KHDRBS2: variants seen among roughly 807,000 people sequenced by gnomAD.
The protein encoded by KHDRBS2 is KH RNA binding domain containing, signal transduction associated 2.
Under a neutral mutation model 44.3 loss-of-function variants are expected in KHDRBS2, and 26 were observed. The observed-to-expected ratio is 0.59, with a 90% CI of 0.43 to 0.81. The LOEUF (loss-of-function observed/expected upper bound fraction) is 0.81, where lower values mean the gene tolerates loss of function less well. Ranked by LOEUF, KHDRBS2 falls within the 40% of genes least tolerant of loss-of-function variation. The pLI is 0.00. For missense variants in KHDRBS2, 476 were observed against 433.1 expected (o/e 1.10, Z -0.88); for synonymous variants, 194 against 151.1 (o/e 1.28, Z -2.08).
chr6:61,902,687 A>AAC (rs1804275995), intron 4 of KHDRBS2, among the ~76,000 whole-genome samples: 3 of 152,138 alleles, frequency 2.0e-5, no homozygotes, highest in Admixed American at 2.0e-4. Context: ...TTAACACTAT[A>AAC]TTTGTAGAGG....
chr6:61,848,469 TTA>T lies in KHDRBS2; in HGVS notation c.810+46164_810+46165del, dbSNP rs796641130. ...GGTTATATTGAGAGAAATGGAGGTT[TTA>T]TATATATATATATATATATGTATAT... On this transcript the variant is annotated intron_variant, in intron 6 of 8. Coordinates refer to ENST00000281156, the MANE Select transcript of KHDRBS2 (RefSeq NM_152688.4). Among the ~76,000 whole-genome samples, 728 of 73,618 alleles carry T rather than the reference TTA, an allele frequency of 9.9e-3. 36 individuals are homozygous for T. The highest frequency in any genetic ancestry group is 0.033 in the East Asian group (113 of 3,418). 48.3% of individuals were successfully genotyped at this position (73,618 alleles called of 152,430 possible). A position where few individuals can be genotyped will look rare whatever the true frequency, so the allele number is the denominator to read the frequency against.
At chr6:61,896,350 G>A (rs2127336329) in intron 5 of KHDRBS2, among the ~76,000 whole-genome samples, 2 of 152,194 alleles carry the variant, frequency 1.3e-5, no homozygotes, top group Middle Eastern at 6.8e-3. Context: ...GAATAGTCAT[G>A]GGTAAGTATT....
At chr6:61,901,123 G>T in intron 5 of KHDRBS2, 121 bp downstream of exon 5, 2 of 873,812 alleles carry the variant, frequency 2.3e-6, no homozygotes, top group Non-Finnish European at 3.5e-6. Context: ...TATTGTTTTT[G>T]CTGTGGTGGT....
rs1432877779 is a variant in KHDRBS2, at chr6:62,107,583, GA to G, written c.220-59590del. Among the ~76,000 whole-genome samples the G allele has an allele frequency of 3.3e-5, 5 of 152,048 alleles. No individual in the cohort carries two copies. In the South Asian group the frequency reaches 8.3e-4, roughly 25 times the overall value. On this transcript the variant is annotated intron_variant, in intron 2 of 8. Coordinates refer to ENST00000281156, the MANE Select transcript of KHDRBS2 (RefSeq NM_152688.4). ...ACCAATGACTTTCTTCACAGAATTGGAAAAAAATACTTTAAACTTCATATGG... is the reference window on the plus strand; with the variant it reads ...ACCAATGACTTTCTTCACAGAATTGGAAAAAATACTTTAAACTTCATATGG...
chr6:61,631,766 A>G, the KHDRBS2 span, among the ~76,000 whole-genome samples: 1 of 152,044 alleles, frequency 6.6e-6, no homozygotes, highest in Non-Finnish European at 1.5e-5. Flanking sequence ...GGCAATGGAA[A>G]CCTGAATCTA....
intron 6 of KHDRBS2, among the ~76,000 whole-genome samples, chr6:61,814,331 GC>G (rs1788567138): frequency 6.6e-6 from 1 of 152,310 alleles, no homozygotes; most frequent in South Asian, 2.1e-4. Flanking sequence ...ACTATATGTG[GC>G]CGGGAGCGGT....
At chr6:61,639,742 A>G in the KHDRBS2 span, among the ~76,000 whole-genome samples, 3 of 152,222 alleles carry the variant, frequency 2.0e-5, no homozygotes, top group African/African-American at 4.8e-5. Flanking sequence ...TGTCCTGTAC[A>G]TAGTAATTGT....
In KHDRBS2 at chr6:62,009,540, T is replaced by C. The variant is rs180776452; in HGVS notation, c.337-31328A>G. ...AATCACCAAGACAATGAGGAAAATG[T>C]CTCCAGGGCATGTCTGAGATCTTCA... On this transcript the variant is annotated intron_variant, in intron 3 of 8. Coordinates refer to ENST00000281156, the MANE Select transcript of KHDRBS2 (RefSeq NM_152688.4). 5.9e-5 allele frequency among the ~76,000 whole-genome samples: 9 copies of C among 152,226 alleles called. No individual in the cohort carries two copies. The East Asian group carries it at 1.7e-3, about 29-fold the overall frequency.
intron 2 of KHDRBS2, among the ~76,000 whole-genome samples, chr6:62,146,548 T>G (rs1813982867): frequency 6.6e-6 from 1 of 151,888 alleles, no homozygotes; most frequent in Admixed American, 6.6e-5. Context: ...TTCTACAGAT[T>G]TGATTTCTGT....
Position 62,177,271 on chromosome 6 carries a change from C to G in KHDRBS2, c.133G>C (p.Glu45Gln). The change falls in exon 2 of 9, where the codon GAA becomes CAA. Residue 45 changes from glutamate to glutamine, a missense_variant. Transcript: ENST00000281156. ...ATGACATCAAGATACTTCTTTTCTT[C>G]GTCTTCCTTTTTTCCATCAGAACCT... ...FQGSDGKKED[E>Q]EKKYLDVISN... 6.2e-7 allele frequency: 1 copy of G among 1,600,714 alleles called. No individual in the cohort carries two copies. The highest frequency in any genetic ancestry group is 2.2e-5 in the East Asian group (1 of 44,490).
chr6:62,034,687 T>A (rs1784945026), intron 3 of KHDRBS2, among the ~76,000 whole-genome samples: 1 of 105,750 alleles, frequency 9.5e-6, no homozygotes, highest in Non-Finnish European at 2.0e-5. Flanking sequence ...AGTATCATTC[T>A]GAACAGAAAA....
chr6:62,243,113 CTAG>C (rs1834960997), intron 1 of KHDRBS2, among the ~76,000 whole-genome samples: 2 of 151,990 alleles, frequency 1.3e-5, no homozygotes. Flanking sequence ...GCAAGTTGTT[CTAG>C]AAATACAATA....
chr6:61,972,194 G>A (rs1189783215), intron 4 of KHDRBS2, among the ~76,000 whole-genome samples: 1 of 152,074 alleles, frequency 6.6e-6, no homozygotes, highest in Non-Finnish European at 1.5e-5. Context: ...TCTTTTATCT[G>A]TCTTCCAAGT....
intron 6 of KHDRBS2, among the ~76,000 whole-genome samples, chr6:61,820,314 C>T (rs962056073): frequency 1.3e-5 from 2 of 151,834 alleles, no homozygotes; most frequent in Non-Finnish European, 2.9e-5. Context: ...ATTCAGGATG[C>T]GTTTTGTAAG....
the KHDRBS2 span, among the ~76,000 whole-genome samples, chr6:61,603,901 C>T: frequency 1.3e-5 from 2 of 152,116 alleles, no homozygotes; most frequent in Admixed American, 1.3e-4. Flanking sequence ...TCCTTCTTTC[C>T]TGTTTCTCAC....
At chr6:62,015,028 G>A (rs1780958374) in intron 3 of KHDRBS2, among the ~76,000 whole-genome samples, 1 of 152,128 alleles carries the variant, frequency 6.6e-6, no homozygotes, top group Non-Finnish European at 1.5e-5. Context: ...AAACATTTAT[G>A]AGGACAAATC....
intron 3 of KHDRBS2, among the ~76,000 whole-genome samples, chr6:62,043,533 G>A (rs1787007421): frequency 1.3e-5 from 2 of 152,056 alleles, no homozygotes; most frequent in Admixed American, 1.3e-4. Context: ...TAAGTAGGAT[G>A]TGAGTTCATA....
chr6:61,975,014 G>T (rs1266772425), intron 4 of KHDRBS2, among the ~76,000 whole-genome samples: 1 of 151,782 alleles, frequency 6.6e-6, no homozygotes, highest in Non-Finnish European at 1.5e-5. Context: ...GAGACCAACA[G>T]GCTGGAAATT....
At chr6:61,814,639 T>C (rs1788626363) in intron 6 of KHDRBS2, among the ~76,000 whole-genome samples, 1 of 151,976 alleles carries the variant, frequency 6.6e-6, no homozygotes. Context: ...AAACTATATA[T>C]AGTGTTAATA....
Sources: allele counts gnomAD v4.1 joint callset (sites outside exome capture counted in the v4.1 genomes callset), GRCh38; gene constraint gnomAD v4.1.1; transcripts MANE v1.5; gene names NCBI Gene and HGNC (gene_info 2026-07-23, HGNC 2026-07-21).